ZFYVE26: variants seen among roughly 807,000 people sequenced by gnomAD.
ZFYVE26 encodes the protein zinc finger FYVE domain-containing protein 26.
Under a neutral mutation model 276.5 loss-of-function variants are expected in ZFYVE26, and 181 were observed. The observed-to-expected ratio is 0.65, with a 90% confidence interval of 0.58 to 0.74. The LOEUF (loss-of-function observed/expected upper bound fraction) is 0.74, where lower values mean the gene tolerates loss of function less well. ZFYVE26 is among the 30% of genes least tolerant of loss of function. ZFYVE26 has a pLI of 0.00. For synonymous variants in ZFYVE26, 1,129 were observed against 1,203.1 expected (o/e 0.94, Z 1.27); for missense variants, 2,821 against 3,097.9 (o/e 0.91, Z 2.12).
rs1188482640 is a variant in ZFYVE26 at position 67,767,649 on chromosome 14, T to C, written c.5790+55A>G. Reference sequence around the variant, plus strand: ...TCACCTACCTCTGTATTTCTTGTCATACTGCTACACATCATAAAGAAACTT... The same window carrying C: ...TCACCTACCTCTGTATTTCTTGTCACACTGCTACACATCATAAAGAAACTT... On this transcript the variant is annotated intron_variant, in intron 31 of 41. Transcript: ENST00000347230. 2.5e-6 allele frequency: 4 copies of C among 1,612,936 alleles called. No individual in the cohort carries two copies. The East Asian group carries it at 6.7e-5, about 27-fold the overall frequency.
rs1484028965 is a variant in ZFYVE26, at chr14:67,746,890, GC to G, written c.*1545del. ...TCAAGGAAGGAAAAGCCAAACTTTA[GC>G]CCAAATGGGTCTAGTAGTTTCATTA... On this transcript the variant is annotated 3_prime_UTR_variant, in exon 42 of 42. Coordinates refer to ENST00000347230, the MANE Select transcript of ZFYVE26 (RefSeq NM_015346.4). 1.3e-5 allele frequency: 2 copies of G among 152,642 alleles called. No homozygotes were observed. Among genetic ancestry groups the G allele is most frequent in the African/African-American group, 2.4e-5 (1 of 41,450 alleles). 9.5% of individuals were successfully genotyped at this position (152,642 alleles called of 1,614,324 possible). A position where few individuals can be genotyped will look rare whatever the true frequency, so the allele number is the denominator to read the frequency against.
chr14:67,810,324 T>C (rs867871088), intron 3 of ZFYVE26, among the ~76,000 whole-genome samples: 4 of 152,308 alleles, frequency 2.6e-5, no homozygotes, highest in Middle Eastern at 3.4e-3. Context: ...ACCTCTGTTT[T>C]TGTCATTCAC....
At position 67,777,624 on chromosome 14, in the gene ZFYVE26, G is replaced by A; in HGVS notation, c.4909C>T (p.His1637Tyr). The change falls in exon 25 of 42, where the codon CAC becomes TAC. Residue 1637 changes from histidine to tyrosine, a missense_variant. By Grantham distance (83) the His-to-Tyr change is moderately conservative (BLOSUM62 2). Transcript: ENST00000347230. ...ACAGCAGTCAGTTGTCCATAGAAGT[G>A]GGTGGTGAGGTAGTTGGCCAAGAAG... ...SHFLANYLTT[H>Y]FYGQLTAVRH... 1 of 1,614,128 alleles carries A rather than the reference G, an allele frequency of 6.2e-7. No homozygotes were observed. The highest frequency in any genetic ancestry group is 8.5e-7 in the Non-Finnish European group (1 of 1,180,032).
intron 29 of ZFYVE26, among the ~76,000 whole-genome samples, chr14:67,768,883 A>G (rs945588371): frequency 6.6e-6 from 1 of 152,226 alleles, no homozygotes; most frequent in Non-Finnish European, 1.5e-5. Context: ...GACAAACACA[A>G]TAATGCTATG....
intron 35 of ZFYVE26, among the ~76,000 whole-genome samples, chr14:67,759,495 G>T (rs923793176): frequency 3.3e-5 from 5 of 151,972 alleles, no homozygotes; most frequent in African/African-American, 1.2e-4. Flanking sequence ...GTGGTGGCAT[G>T]TGCCTGTAAT....
At chr14:67,740,002 C>T (rs1331468199) in intron 13 of ZFYVE26, among the ~76,000 whole-genome samples, 1 of 152,134 alleles carries the variant, frequency 6.6e-6, no homozygotes, top group Non-Finnish European at 1.5e-5. Context: ...GGTGGTTCTG[C>T]TCCCCATGGC....
intron 14 of ZFYVE26, chr14:67,729,096 C>T: frequency 2.4e-6 from 3 of 1,256,134 alleles, no homozygotes; most frequent in South Asian, 2.4e-5. Flanking sequence ...TTTCCTGAGT[C>T]CCTCCTTCTC....
chr14:67,815,885 C>T lies in ZFYVE26; in HGVS notation c.79G>A (p.Gly27Arg), dbSNP rs756912219. ...FGFFCECLRR[G>R]EWELAQACVP... is the part of the protein sequence containing the mutation. ...CATGCCTGTGCCAGCTCCCATTCTC[C>T]CCTCCGCAGGCATTCGCAGAAAAAT... Residue 27 changes from glycine to arginine, a missense_variant, in exon 2 of 42, where the codon GGA (glycine) becomes AGA (arginine). By Grantham distance (125) the Gly-to-Arg change is moderately radical. Transcript: ENST00000347230. 3.1e-6 allele frequency: 5 copies of T among 1,614,054 alleles called. No homozygotes were observed. In the African/African-American group the frequency reaches 4.0e-5, roughly 13 times the overall value.
intron 2 of ZFYVE26, among the ~76,000 whole-genome samples, chr14:67,814,806 C>T (rs188301967): frequency 1.8e-3 from 271 of 152,136 alleles, no homozygotes; most frequent in African/African-American, 6.1e-3. Context: ...GGAATTTAGA[C>T]GGTAACTGGC....
intron 9 of ZFYVE26, 48 bp from the exon 10 acceptor site, chr14:67,802,330 G>T: frequency 6.3e-7 from 1 of 1,592,156 alleles, no homozygotes. Flanking sequence ...AATTAATTCA[G>T]GATGCAAGTA....
intron 31 of ZFYVE26, among the ~76,000 whole-genome samples, chr14:67,766,812 A>G (rs759567269): frequency 1.3e-5 from 2 of 151,586 alleles, no homozygotes; most frequent in Non-Finnish European, 2.9e-5. Context: ...CAATCCTTCC[A>G]CCTCAGCCTC....
chr14:67,758,332 G>A (rs957544819), intron 35 of ZFYVE26, among the ~76,000 whole-genome samples: 6 of 152,184 alleles, frequency 3.9e-5, no homozygotes, highest in Admixed American at 6.5e-5. Flanking sequence ...AGGGGCATTA[G>A]CTCTACAGGA....
At chr14:67,784,005 A>C (rs2039582476) in intron 20 of ZFYVE26, among the ~76,000 whole-genome samples, 1 of 152,216 alleles carries the variant, frequency 6.6e-6, no homozygotes. Flanking sequence ...AGGCTGTACA[A>C]ATTTATGTCC....
chr14:67,741,964 A>G (rs1259963732), downstream of ZFYVE26, among the ~76,000 whole-genome samples: 1 of 152,168 alleles, frequency 6.6e-6, no homozygotes. Flanking sequence ...TTGCTGATTC[A>G]CTTGCCCCAT....
intron 13 of ZFYVE26, among the ~76,000 whole-genome samples, chr14:67,739,447 A>C (rs2038389673): frequency 6.6e-6 from 1 of 152,092 alleles, no homozygotes; most frequent in African/African-American, 2.4e-5. Context: ...TGTCCTACTG[A>C]TGCTATCGTA....
intron 35 of ZFYVE26, among the ~76,000 whole-genome samples, chr14:67,760,418 G>C (rs1204836697): frequency 6.6e-6 from 1 of 152,172 alleles, no homozygotes; most frequent in Non-Finnish European, 1.5e-5. Flanking sequence ...ATCAATCTTA[G>C]AAAATATGTC....
chr14:67,792,271 T>C (rs1348756886), intron 14 of ZFYVE26, among the ~76,000 whole-genome samples: 1 of 152,166 alleles, frequency 6.6e-6, no homozygotes, highest in African/African-American at 2.4e-5. Context: ...GTTACGTAGA[T>C]AAACTACCAA....
chr14:67,797,534 G>A (rs1479912410), intron 12 of ZFYVE26, 138 bp downstream of exon 12: 13 of 937,378 alleles, frequency 1.4e-5, no homozygotes, highest in Non-Finnish European at 1.8e-5. Flanking sequence ...TATTAACAAG[G>A]GTTACCTTGA....
chr14:67,748,354 T>C lies in ZFYVE26; in HGVS notation c.*82A>G. 2.7e-6 allele frequency: 4 copies of C among 1,474,278 alleles called. No homozygotes were observed. Among genetic ancestry groups the C allele is most frequent in the Non-Finnish European group, 3.7e-6 (4 of 1,078,324 alleles). The allele number at this position is 1,474,278 out of a possible 1,614,324, so 91.3% of individuals were successfully genotyped here. A position where few individuals can be genotyped will look rare whatever the true frequency, so the allele number is the denominator to read the frequency against. Reference sequence around the variant, plus strand: ...CAGAGCCAGAGAAGTCCCACTCCACTGGAGGAAAGAGGTGGAGGGCATCGC... The same window carrying C: ...CAGAGCCAGAGAAGTCCCACTCCACCGGAGGAAAGAGGTGGAGGGCATCGC... On this transcript the variant is annotated 3_prime_UTR_variant, in exon 42 of 42. Transcript: ENST00000347230.
Sources: gnomAD v4.1 joint callset for allele counts (sites outside exome capture counted in the v4.1 genomes callset) on GRCh38, gnomAD v4.1.1 for gene constraint, MANE v1.5 for transcripts, NCBI Gene and HGNC (gene_info 2026-07-23, HGNC 2026-07-21) for gene names.